ATF7: variants seen among roughly 807,000 people sequenced by gnomAD.
ATF7 encodes the protein activating transcription factor 7, also known as cyclic AMP-dependent transcription factor ATF-7.
Under a neutral mutation model 50.4 loss-of-function variants are expected in ATF7, and 10 were observed. That is an observed-to-expected ratio of 0.20 (90% CI 0.12 to 0.34). ATF7 has a LOEUF of 0.34. Ranked by LOEUF, ATF7 falls within the 10% of genes least tolerant of loss-of-function variation. ATF7 has a pLI of 1.00. For synonymous variants in ATF7, 201 were observed against 226.4 expected (o/e 0.89, Z 1.01); for missense variants, 465 against 613.9 (o/e 0.76, Z 2.56).
intron 4 of ATF7, chr12:53,542,974 A>AT (rs1436255708): frequency 1.7e-6 from 2 of 1,160,132 alleles, no homozygotes; most frequent in Non-Finnish European, 2.1e-6. Context: ...AAAGAGTGGA[A>AT]TTTGGCAACA....
intron 2 of ATF7, among the ~76,000 whole-genome samples, chr12:53,591,356 A>G (rs1455002168): frequency 6.6e-6 from 1 of 152,212 alleles, no homozygotes; most frequent in Admixed American, 6.5e-5. Context: ...ATAACTAAAG[A>G]CAGGAAAGAA....
At chr12:53,549,156 G>A (rs903111763) in intron 3 of ATF7, among the ~76,000 whole-genome samples, 4 of 151,998 alleles carry the variant, frequency 2.6e-5, no homozygotes, top group Non-Finnish European at 4.4e-5. Context: ...GTGTGGCGGC[G>A]GGCGCCTGTA....
At chr12:53,539,667 A>C (rs1402709364) in intron 4 of ATF7, among the ~76,000 whole-genome samples, 1 of 150,996 alleles carries the variant, frequency 6.6e-6, no homozygotes, top group African/African-American at 2.4e-5. Context: ...CTAGCCTGGG[A>C]GACAGAGCAA....
At chr12:53,509,841 C>T (rs1055057954), downstream of ATF7, among the ~76,000 whole-genome samples, 1 of 151,860 alleles carries the variant, frequency 6.6e-6, no homozygotes, top group African/African-American at 2.4e-5. Context: ...GGGAAGCACC[C>T]CACTCTTTAA....
intron 2 of ATF7, among the ~76,000 whole-genome samples, chr12:53,567,416 C>T (rs953837807): frequency 2.0e-5 from 3 of 152,230 alleles, no homozygotes; most frequent in African/African-American, 7.2e-5. Flanking sequence ...TCACTCCTCA[C>T]TAAAGAATGG....
rs1360996674 is a variant in ATF7 at position 53,533,032 on chromosome 12, T to C, written c.660+128A>G. The C allele has an allele frequency of 5.1e-6, 4 of 791,866 alleles. No homozygotes were observed. In the East Asian group the frequency reaches 8.2e-5, roughly 16 times the overall value. 49.1% of individuals were successfully genotyped at this position (791,866 alleles called of 1,614,324 possible). Reference sequence around the variant, plus strand: ...AGGTTAGTGAAGAGTTTAGGCAGGCTGCCATGCTCAGCTAATATAGATCAG... The same window carrying C: ...AGGTTAGTGAAGAGTTTAGGCAGGCCGCCATGCTCAGCTAATATAGATCAG... On this transcript the variant is annotated intron_variant, in intron 7 of 11. Coordinates refer to ENST00000420353, the MANE Select transcript of ATF7 (RefSeq NM_006856.3).
intron 3 of ATF7, among the ~76,000 whole-genome samples, chr12:53,549,103 G>A (rs1397719979): frequency 6.6e-6 from 1 of 151,908 alleles, no homozygotes; most frequent in Non-Finnish European, 1.5e-5. Flanking sequence ...TGGCTAACGC[G>A]GTGAAACCCC....
downstream of ATF7, among the ~76,000 whole-genome samples, chr12:53,509,828 A>G (rs1478546189): frequency 1.3e-5 from 2 of 151,870 alleles, no homozygotes; most frequent in African/African-American, 4.8e-5. Context: ...TTTTTTGCTC[A>G]AGGGGAAGCA....
At position 53,549,569 on chromosome 12, in the gene ATF7, A is replaced by G. The variant is rs572154851; in HGVS notation, c.145+2972T>C. ...CAGGCATGCACCACCATGCCAGGCT[A>G]ATTTTGTATTTTTTTTGTTTGTTTT... is the stretch of plus-strand genomic sequence containing the variant. On this transcript the variant is annotated intron_variant, in intron 3 of 11. Transcript: ENST00000420353. 3.3e-5 allele frequency among the ~76,000 whole-genome samples: 5 copies of G among 151,948 alleles called. No homozygotes were observed. The East Asian group carries it at 9.7e-4, about 30-fold the overall frequency.
Position 53,603,867 on chromosome 12 carries a change from T to C in ATF7, c.-21-2846A>G, listed in dbSNP as rs374799362. On this transcript the variant is annotated intron_variant, in intron 1 of 11. Transcript: ENST00000420353. ...AACAAATCTTTAATTATCAGTGAGG[T>C]CTCACTGATGCCATCTCAAAAACAA... 2.0e-4 allele frequency among the ~76,000 whole-genome samples: 30 copies of C among 152,236 alleles called. No individual in the cohort carries two copies. In the South Asian group the frequency reaches 6.2e-3, roughly 32 times the overall value.
Position 53,600,996 on chromosome 12 carries a change from C to T in ATF7, c.5G>A (p.Gly2Glu). MGDDRPFVCNAP... is the reference protein window; with the variant it reads MEDDRPFVCNAP... ...ATTGCACACAAACGGTCTGTCGTCT[C>T]CCATATTTCATATAGCAGAGAGGAG... The change falls in exon 2 of 12, where the codon GGA becomes GAA. Residue 2 changes from glycine (G) to glutamate (E), a missense_variant. Physicochemically the swap from Gly to Glu is moderately conservative, Grantham distance 98 (BLOSUM62 -2). Coordinates refer to ENST00000420353, the MANE Select transcript of ATF7 (RefSeq NM_006856.3). 6.2e-7 allele frequency: 1 copy of T among 1,613,166 alleles called. No individual in the cohort carries two copies. The highest frequency in any genetic ancestry group is 8.5e-7 in the Non-Finnish European group (1 of 1,179,582).
Position 53,513,523 on chromosome 12 carries a change from G to C in ATF7, c.*3614C>G, listed in dbSNP as rs930594488. ...ACATTAAGTCTAAAGAAAGCAGAAA[G>C]AGCATATCAACAAGGCATATGTGAT... is the stretch of plus-strand genomic sequence containing the variant. On this transcript the variant is annotated 3_prime_UTR_variant, in exon 12 of 12. Transcript: ENST00000420353. The C allele has an allele frequency of 5.9e-5, 9 of 151,974 alleles. No homozygotes were observed. The highest frequency in any genetic ancestry group is 2.2e-4 in the African/African-American group (9 of 41,336). The allele number at this position is 151,974 out of a possible 1,614,324, so 9.4% of individuals were successfully genotyped here.
intron 2 of ATF7, among the ~76,000 whole-genome samples, chr12:53,588,728 A>G (rs1942826513): frequency 6.6e-6 from 1 of 152,202 alleles, no homozygotes; most frequent in African/African-American, 2.4e-5. Flanking sequence ...TTTAGGTCCC[A>G]GGTTTCTTGT....
At chr12:53,523,461 GAAGGACAGA>G (rs1938246408) in intron 10 of ATF7, 77 bp from the exon 11 acceptor site, 1 of 1,075,578 alleles carries the variant, frequency 9.3e-7, no homozygotes. Context: ...GTTCCCAAAG[GAAGGACAGA>G]ATATTGCCTC....
chr12:53,620,331 C>A (rs1250857125), intron 1 of ATF7, among the ~76,000 whole-genome samples: 34 of 151,724 alleles, frequency 2.2e-4, no homozygotes, highest in Non-Finnish European at 4.7e-4. Context: ...AATCCCAGCA[C>A]TTTGGGAGGC....
At chr12:53,532,245 TCACCCTAAAACGG>T (rs1201129826) in intron 8 of ATF7, among the ~76,000 whole-genome samples, 1 of 152,148 alleles carries the variant, frequency 6.6e-6, no homozygotes, top group African/African-American at 2.4e-5. Context: ...CCTCCATCTG[TCACCCTAAAACGG>T]CAAGTGTTCC....
intron 1 of ATF7, among the ~76,000 whole-genome samples, chr12:53,610,627 T>C (rs1239931306): frequency 6.6e-6 from 1 of 151,556 alleles, no homozygotes; most frequent in Non-Finnish European, 1.5e-5. Context: ...CTCTAAAAAG[T>C]TGTCTACTTA....
chr12:53,562,468 C>T (rs1370728594), intron 2 of ATF7, among the ~76,000 whole-genome samples: 1 of 151,916 alleles, frequency 6.6e-6, no homozygotes, highest in Non-Finnish European at 1.5e-5. Context: ...GGTGAAACCC[C>T]GTCTCTACTT....
At chr12:53,565,019 A>G (rs1199180442) in intron 2 of ATF7, among the ~76,000 whole-genome samples, 1 of 152,206 alleles carries the variant, frequency 6.6e-6, no homozygotes, top group Non-Finnish European at 1.5e-5. Flanking sequence ...TATACAGACC[A>G]ATGGTATAAC....
Sources: allele counts gnomAD v4.1 joint callset (sites outside exome capture counted in the v4.1 genomes callset), GRCh38; gene constraint gnomAD v4.1.1; transcripts MANE v1.5; gene names NCBI Gene and HGNC (gene_info 2026-07-23, HGNC 2026-07-21).